VAMP5: variants seen among roughly 807,000 people sequenced by gnomAD.
The protein encoded by VAMP5 is vesicle-associated membrane protein 5.
In VAMP5, 10 loss-of-function variants were observed where a neutral mutation model predicts 8.1. The observed-to-expected ratio is 1.23, with a 90% CI of 0.76 to 2.09. VAMP5 has a LOEUF of 2.09. Ranked by LOEUF, VAMP5 falls within the 30% of genes most tolerant of loss-of-function variation. VAMP5 has a pLI of 0.00. For missense variants in VAMP5, 135 were observed against 152.5 expected, an observed-to-expected ratio of 0.89 and a Z score of 0.60; for synonymous variants, 62 against 60.6, an observed-to-expected ratio of 1.02 and a Z score of -0.11.
chr2:85,591,966 T>A, intron 2 of VAMP5, 104 bp downstream of exon 2: 1 of 1,530,290 alleles, frequency 6.5e-7, no homozygotes, highest in Non-Finnish European at 8.9e-7. Flanking sequence ...GAGGCCTTCT[T>A]GAGGGCCAGT....
intron 1 of VAMP5, among the ~76,000 whole-genome samples, chr2:85,586,981 A>T (rs773107076): frequency 6.6e-6 from 1 of 151,912 alleles, no homozygotes; most frequent in Admixed American, 6.6e-5. Context: ...AGGCTGAGGC[A>T]GGAGAATGGC....
chr2:85,590,854 C>T (rs1218435661), intron 1 of VAMP5, among the ~76,000 whole-genome samples: 1 of 152,220 alleles, frequency 6.6e-6, no homozygotes, highest in African/African-American at 2.4e-5. Context: ...AGCCCAGTGC[C>T]TTTCTTGCAC....
chr2:85,592,099 TTTTG>T (rs1302885219), intron 2 of VAMP5, among the ~76,000 whole-genome samples: 2 of 152,094 alleles, frequency 1.3e-5, no homozygotes, highest in Non-Finnish European at 2.9e-5. Flanking sequence ...TGGTATCGTT[TTTTG>T]TTTCTTTTTT....
intron 1 of VAMP5, among the ~76,000 whole-genome samples, chr2:85,589,718 T>C (rs1192993389): frequency 5.3e-5 from 8 of 152,074 alleles, no homozygotes; most frequent in African/African-American, 1.7e-4. Context: ...AGTGCAGTGG[T>C]GTGATCTCGG....
At chr2:85,592,794 CCTT>C (rs1161103613) in intron 2 of VAMP5, among the ~76,000 whole-genome samples, 151 bp from the exon 3 acceptor site, 2 of 78,298 alleles carry the variant, frequency 2.6e-5, no homozygotes, top group Non-Finnish European at 2.8e-5. Context: ...GGGAGAGACT[CCTT>C]CTCAAAAAAA....
In VAMP5 at chr2:85,584,474, C is replaced by A; in HGVS notation, c.-17C>A. 1.6e-6 allele frequency: 2 copies of A among 1,242,594 alleles called. No homozygotes were observed. The highest frequency in any genetic ancestry group is 2.0e-6 in the Non-Finnish European group (2 of 994,368). 77.0% of individuals were successfully genotyped at this position (1,242,594 alleles called of 1,614,324 possible). On this transcript the variant is annotated 5_prime_UTR_variant, in exon 1 of 3. Transcript: ENST00000306384. Reference sequence around the variant, plus strand: ...GCAGAGAAGCCGGGAGCGGGCGAGGCGGCGGCGGCAGCAGCGATGGTGAGG... The same window carrying A: ...GCAGAGAAGCCGGGAGCGGGCGAGGAGGCGGCGGCAGCAGCGATGGTGAGG...
At chr2:85,587,548 G>T (rs1423263297) in intron 1 of VAMP5, among the ~76,000 whole-genome samples, 1 of 151,404 alleles carries the variant, frequency 6.6e-6, no homozygotes, top group African/African-American at 2.4e-5. Context: ...CACCACACCT[G>T]GCCATATTGT....
chr2:85,589,356 G>T (rs1041976613), intron 1 of VAMP5, among the ~76,000 whole-genome samples: 2 of 152,132 alleles, frequency 1.3e-5, no homozygotes, highest in Non-Finnish European at 2.9e-5. Context: ...TGAGTCTAAG[G>T]CCTCTGTGTT....
intron 1 of VAMP5, among the ~76,000 whole-genome samples, chr2:85,589,859 T>C (rs796146688): frequency 6.6e-5 from 10 of 152,204 alleles, no homozygotes; most frequent in African/African-American, 2.4e-4. Context: ...GGTTTCACCA[T>C]GTTGGCCAGG....
intron 2 of VAMP5, 137 bp from the exon 3 acceptor site, chr2:85,592,800 CAAAAAAAAAAA>C (rs375145374): frequency 2.0e-6 from 1 of 508,580 alleles, no homozygotes; most frequent in African/African-American, 3.1e-5. Context: ...GACTCCTTCT[CAAAAAAAAAAA>C]AAAAAGAAAG....
In VAMP5 at chr2:85,591,803, C is replaced by G. The variant is rs200711953; in HGVS notation, c.82C>G (p.Leu28Val). Reference sequence around the variant, plus strand: ...TATGCGTAACAACTTCGGCAAGGTCCTGGAGCGTGGTGTGAAGCTGGCCGA... The same window carrying G: ...TATGCGTAACAACTTCGGCAAGGTCGTGGAGCGTGGTGTGAAGCTGGCCGA... ...EIMRNNFGKV[L>V]ERGVKLAELQ... is the part of the protein sequence containing the mutation. The change falls in exon 2 of 3, where the codon CTG becomes GTG. Residue 28 changes from leucine (L) to valine (V), a missense_variant. Physicochemically the swap from Leu to Val is conservative, Grantham distance 32. Transcript: ENST00000306384. 1 of 1,614,190 alleles carries G rather than the reference C, an allele frequency of 6.2e-7. No homozygotes were observed. Among genetic ancestry groups the G allele is most frequent in the Admixed American group, 1.7e-5 (1 of 60,010 alleles).
At chr2:85,586,295 G>A (rs1672458411) in intron 1 of VAMP5, among the ~76,000 whole-genome samples, 1 of 152,202 alleles carries the variant, frequency 6.6e-6, no homozygotes, top group South Asian at 2.1e-4. Context: ...ACTGGGAAAA[G>A]GCCAGGCGCA....
intron 1 of VAMP5, among the ~76,000 whole-genome samples, chr2:85,590,959 T>C (rs1226865346): frequency 1.3e-5 from 2 of 152,236 alleles, no homozygotes; most frequent in Non-Finnish European, 2.9e-5. Context: ...GCTGGTGTTT[T>C]CTGTTAGGCA....
intron 1 of VAMP5, among the ~76,000 whole-genome samples, chr2:85,585,596 G>A (rs968221722): frequency 2.6e-5 from 4 of 152,198 alleles, no homozygotes; most frequent in African/African-American, 9.7e-5. Context: ...AGGGGTAGGG[G>A]TGGGCTTCAG....
At position 85,591,769 on chromosome 2, in the gene VAMP5, G is replaced by A. The variant is rs1259646717; in HGVS notation, c.48G>A (p.Val16=). ...LERCQQQANE[V]TEIMRNNFGK... ...GGTGCCAGCAGCAGGCGAACGAGGT[G>A]ACGGAAATTATGCGTAACAACTTCG... Residue 16 remains valine, a synonymous_variant, in exon 2 of 3, where the codon GTG becomes GTA. Transcript: ENST00000306384. The A allele has an allele frequency of 6.2e-7, 1 of 1,614,190 alleles. No individual in the cohort carries two copies. Among genetic ancestry groups the A allele is most frequent in the Non-Finnish European group, 8.5e-7 (1 of 1,180,024 alleles).
chr2:85,592,457 G>A (rs1225698585), intron 2 of VAMP5, among the ~76,000 whole-genome samples: 3 of 152,110 alleles, frequency 2.0e-5, no homozygotes, highest in South Asian at 4.1e-4. Context: ...GGGCCACACC[G>A]GTGTTTGAGA....
At chr2:85,588,436 A>C (rs1672493700) in intron 1 of VAMP5, among the ~76,000 whole-genome samples, 2 of 152,082 alleles carry the variant, frequency 1.3e-5, no homozygotes. Context: ...CTGGCTCAAA[A>C]TTCCAAGCCC....
Position 85,584,500 on chromosome 2 carries a change from G to A in VAMP5, c.3+7G>A. The A allele has an allele frequency of 1.6e-6, 2 of 1,240,246 alleles. No individual in the cohort carries two copies. Among genetic ancestry groups the A allele is most frequent in the African/African-American group, 1.5e-5 (1 of 64,588 alleles). 76.8% of individuals were successfully genotyped at this position (1,240,246 alleles called of 1,614,324 possible). On this transcript the variant is annotated splice_region_variant and intron_variant, in intron 1 of 2. Coordinates refer to ENST00000306384, the MANE Select transcript of VAMP5 (RefSeq NM_006634.3). ...GGCGGCGGCAGCAGCGATGGTGAGGGCCCAGGCGGGGCCGGCCAGCCCTGC... is the reference window on the plus strand; with the variant it reads ...GGCGGCGGCAGCAGCGATGGTGAGGACCCAGGCGGGGCCGGCCAGCCCTGC...
intron 1 of VAMP5, among the ~76,000 whole-genome samples, chr2:85,584,989 C>T (rs887156293): frequency 6.6e-6 from 1 of 152,244 alleles, no homozygotes; most frequent in Non-Finnish European, 1.5e-5. Context: ...ACCTCGTCAG[C>T]CCTTTCCGCA....
Sources: allele counts gnomAD v4.1 joint callset (sites outside exome capture counted in the v4.1 genomes callset), GRCh38; gene constraint gnomAD v4.1.1; transcripts MANE v1.5; gene names NCBI Gene and HGNC (gene_info 2026-07-23, HGNC 2026-07-21).